The following MPP7 variants were observed in gnomAD, a reference collection of about 807,000 sequenced individuals.
The protein encoded by MPP7 is MAGUK p55 subfamily member 7.
MPP7 carries 60 observed loss-of-function variants against 76.5 expected under a neutral mutation model. The ratio of observed to expected loss-of-function variants is 0.78; its 90% CI spans 0.64 to 0.97. The LOEUF (loss-of-function observed/expected upper bound fraction) is 0.97. Ranked by LOEUF, MPP7 falls within the 50% of genes least tolerant of loss-of-function variation. MPP7 has a pLI of 0.00. For missense variants in MPP7, 641 were observed against 694.0 expected (o/e 0.92, Z 0.86); for synonymous variants, 237 against 244.5 (o/e 0.97, Z 0.29).
chr10:28,306,355 A>G (rs1841255718), upstream of MPP7, among the ~76,000 whole-genome samples: 4 of 152,242 alleles, frequency 2.6e-5, no homozygotes. Context: ...GAAATTCATT[A>G]GATAGACAGA....
At chr10:28,319,080 T>A (rs1834343863) in intron 2 of MPP7, among the ~76,000 whole-genome samples, 1 of 152,188 alleles carries the variant, frequency 6.6e-6, no homozygotes, top group South Asian at 2.1e-4. Context: ...CTACAGGCTA[T>A]ACAGGAGGCA....
chr10:28,241,895 A>T (rs998459600), intron 1 of MPP7, among the ~76,000 whole-genome samples: 2 of 152,212 alleles, frequency 1.3e-5, no homozygotes, highest in Non-Finnish European at 2.9e-5. Flanking sequence ...TCATGTGGAA[A>T]CAGTGAACTA....
At chr10:28,207,782 A>G (rs1837997888) in intron 2 of MPP7, among the ~76,000 whole-genome samples, 1 of 152,190 alleles carries the variant, frequency 6.6e-6, no homozygotes. Flanking sequence ...AAAGGAAAAC[A>G]GAACCTGCAA....
At chr10:28,081,942 G>A (rs1443314105) in intron 12 of MPP7, among the ~76,000 whole-genome samples, 1 of 151,904 alleles carries the variant, frequency 6.6e-6, no homozygotes, top group African/African-American at 2.4e-5. Flanking sequence ...TAGTAGAGAC[G>A]GGTTTCACCA....
chr10:28,276,597 CAG>C (rs1840504946), intron 1 of MPP7, among the ~76,000 whole-genome samples: 1 of 151,984 alleles, frequency 6.6e-6, no homozygotes, highest in South Asian at 2.1e-4. Context: ...GTAAACAAAA[CAG>C]AAGACACTAC....
intron 2 of MPP7, among the ~76,000 whole-genome samples, chr10:28,319,653 A>T (rs1009090763): frequency 2.0e-5 from 3 of 152,068 alleles, no homozygotes; most frequent in African/African-American, 7.2e-5. Flanking sequence ...CTGAGGGGGT[A>T]TTTAAATGTT....
At chr10:28,304,055 T>G (rs902826865), upstream of MPP7, among the ~76,000 whole-genome samples, 1 of 152,162 alleles carries the variant, frequency 6.6e-6, no homozygotes, top group Non-Finnish European at 1.5e-5. Context: ...AAAGCTCAGC[T>G]GATGGAGGGA....
chr10:28,319,098 G>A lies in MPP7; in HGVS notation c.-132+10831C>T, dbSNP rs111484647. On this transcript the variant is annotated intron_variant, in intron 2 of 11. Transcript: ENST00000441595. ...CAGGCTATACAGGAGGCATGGCTGAGGAGACCTCAGAAAACTTACAATCAT... is the reference window on the plus strand; with the variant it reads ...CAGGCTATACAGGAGGCATGGCTGAAGAGACCTCAGAAAACTTACAATCAT... Among the ~76,000 whole-genome samples the A allele has an allele frequency of 2.1e-3, 325 of 152,312 alleles. 3 individuals carry two copies. The highest frequency in any genetic ancestry group is 7.2e-3 in the African/African-American group (298 of 41,568).
At chr10:28,192,933 A>C (rs1395759451) in intron 3 of MPP7, among the ~76,000 whole-genome samples, 1 of 152,228 alleles carries the variant, frequency 6.6e-6, no homozygotes, top group African/African-American at 2.4e-5. Context: ...TAGATAATGG[A>C]ACACAATTAC....
At chr10:28,252,722 G>C (rs1009006998) in intron 1 of MPP7, among the ~76,000 whole-genome samples, 1 of 152,102 alleles carries the variant, frequency 6.6e-6, no homozygotes, top group South Asian at 2.1e-4. Flanking sequence ...CTTCATAGCG[G>C]ACATTCAACA....
chr10:28,189,603 G>A (rs1225302238), intron 3 of MPP7, among the ~76,000 whole-genome samples: 1 of 133,104 alleles, frequency 7.5e-6, no homozygotes, highest in Non-Finnish European at 1.6e-5. Context: ...AAAAAAACCT[G>A]TATTTGTTGT....
chr10:28,256,167 A>C (rs1839778933), intron 1 of MPP7, among the ~76,000 whole-genome samples: 1 of 152,140 alleles, frequency 6.6e-6, no homozygotes, highest in South Asian at 2.1e-4. Flanking sequence ...GAGGATATGA[A>C]GACAGCAGCG....
At chr10:28,321,629 G>A (rs1375847322) in intron 2 of MPP7, among the ~76,000 whole-genome samples, 1 of 152,076 alleles carries the variant, frequency 6.6e-6, no homozygotes, top group East Asian at 1.9e-4. Context: ...TCATCACCCA[G>A]GCTGGAGTGC....
intron 3 of MPP7, among the ~76,000 whole-genome samples, chr10:28,174,249 A>T (rs1708671817): frequency 6.6e-6 from 1 of 151,792 alleles, no homozygotes; most frequent in African/African-American, 2.4e-5. Context: ...GGATATGGGG[A>T]GCCTTTTGGC....
At chr10:28,106,428 G>A (rs1443042969) in intron 11 of MPP7, among the ~76,000 whole-genome samples, 1 of 152,110 alleles carries the variant, frequency 6.6e-6, no homozygotes. Context: ...CTCCAAACTG[G>A]AGATTTCCTT....
chr10:28,138,085 A>G (rs1835403007), intron 5 of MPP7, among the ~76,000 whole-genome samples: 1 of 152,226 alleles, frequency 6.6e-6, no homozygotes, highest in African/African-American at 2.4e-5. Context: ...GAAGCTAAAA[A>G]TTACAACAAA....
chr10:28,214,039 G>A (rs1479749320), intron 2 of MPP7, among the ~76,000 whole-genome samples: 1 of 151,986 alleles, frequency 6.6e-6, no homozygotes, highest in Non-Finnish European at 1.5e-5. Context: ...TGTTTAATCT[G>A]GAAGAAAAAC....
At chr10:28,201,107 G>GA (rs916421474) in intron 3 of MPP7, among the ~76,000 whole-genome samples, 8 of 152,114 alleles carry the variant, frequency 5.3e-5, no homozygotes, top group African/African-American at 1.7e-4. Flanking sequence ...ACACTGTTAT[G>GA]AAAAAATAAA....
At chr10:28,135,203 A>C (rs1835316211) in intron 5 of MPP7, among the ~76,000 whole-genome samples, 1 of 152,152 alleles carries the variant, frequency 6.6e-6, no homozygotes, top group Non-Finnish European at 1.5e-5. Flanking sequence ...TGAGTTGGGA[A>C]AACAGAGCTG....
Sources: allele counts gnomAD v4.1 joint callset (sites outside exome capture counted in the v4.1 genomes callset), GRCh38; gene constraint gnomAD v4.1.1; transcripts MANE v1.5; gene names NCBI Gene and HGNC (gene_info 2026-07-23, HGNC 2026-07-21).